The following ENTREP2 variants were observed in gnomAD, a reference collection of about 807,000 sequenced individuals.
The protein encoded by ENTREP2 is protein ENTREP2.
chr15:29,238,869 G>A, the ENTREP2 span, among the ~76,000 whole-genome samples: 7 of 152,050 alleles, frequency 4.6e-5, no homozygotes, highest in Non-Finnish European at 7.4e-5. Context: ...GCTCCAAGAA[G>A]CATGGTGTTA....
chr15:29,674,103 CA>C, the ENTREP2 span, among the ~76,000 whole-genome samples: 1 of 145,682 alleles, frequency 6.9e-6, no homozygotes, highest in African/African-American at 2.6e-5. Context: ...GTGTGGGACT[CA>C]GCCCTTCCCC....
chr15:29,254,080 AC>A, the ENTREP2 span, among the ~76,000 whole-genome samples: 1 of 143,352 alleles, frequency 7.0e-6, no homozygotes, highest in South Asian at 2.3e-4. Context: ...ATGAAGAAAG[AC>A]CCTTTTTGTG....
chr15:29,269,106 G>A, the ENTREP2 span: 4 of 1,614,032 alleles, frequency 2.5e-6, no homozygotes, highest in Non-Finnish European at 2.5e-6. Flanking sequence ...GCCGCAGAAA[G>A]TCCCAGGCTT....
At chr15:29,593,245 T>A in the ENTREP2 span, among the ~76,000 whole-genome samples, 1 of 152,176 alleles carries the variant, frequency 6.6e-6, no homozygotes, top group African/African-American at 2.4e-5. Context: ...TATAACGTAC[T>A]CTCCCACTGT....
chr15:29,158,144 A>G, the ENTREP2 span, among the ~76,000 whole-genome samples: 1 of 152,206 alleles, frequency 6.6e-6, no homozygotes, highest in Non-Finnish European at 1.5e-5. Flanking sequence ...CTTTCTACAA[A>G]TAATATTAAT....
the ENTREP2 span, among the ~76,000 whole-genome samples, chr15:29,244,102 T>C: frequency 1.3e-5 from 2 of 152,226 alleles, no homozygotes; most frequent in Admixed American, 6.5e-5. Context: ...ACCAGGACCA[T>C]TGCCTATTTC....
At chr15:29,391,071 T>A in the ENTREP2 span, among the ~76,000 whole-genome samples, 1 of 152,072 alleles carries the variant, frequency 6.6e-6, no homozygotes, top group African/African-American at 2.4e-5. Flanking sequence ...ATCTTCCTAC[T>A]TCACCCTCCG....
chr15:29,386,723 G>C, the ENTREP2 span, among the ~76,000 whole-genome samples: 5,442 of 151,960 alleles, frequency 0.036, 138 homozygotes, highest in Non-Finnish European at 0.053. Context: ...CAATGGGACT[G>C]GTAGCTCTAC....
the ENTREP2 span, among the ~76,000 whole-genome samples, chr15:29,533,211 C>T: frequency 1.3e-5 from 2 of 152,234 alleles, no homozygotes; most frequent in African/African-American, 4.8e-5. Flanking sequence ...GGCCTCCATT[C>T]TCTTGCAGTG....
At chr15:29,498,712 T>A in the ENTREP2 span, among the ~76,000 whole-genome samples, 2,060 of 152,222 alleles carry the variant, frequency 0.014, 41 homozygotes, top group African/African-American at 0.047. Flanking sequence ...CCTTACTGAT[T>A]TTCTCTCTGG....
chr15:29,618,117 A>G, the ENTREP2 span, among the ~76,000 whole-genome samples: 1 of 152,134 alleles, frequency 6.6e-6, no homozygotes, highest in African/African-American at 2.4e-5. Flanking sequence ...TATAGTGTCC[A>G]TAGGCTTAAA....
the ENTREP2 span, among the ~76,000 whole-genome samples, chr15:29,193,089 G>A: frequency 6.6e-6 from 1 of 152,254 alleles, no homozygotes; most frequent in East Asian, 1.9e-4. Context: ...AACACTCTAC[G>A]GGGCGGTCTA....
the ENTREP2 span, among the ~76,000 whole-genome samples, chr15:29,552,223 C>T: frequency 6.6e-6 from 1 of 151,892 alleles, no homozygotes; most frequent in Non-Finnish European, 1.5e-5. Context: ...AACAACAAAA[C>T]AAAAAAACTC....
chr15:29,434,445 A>G, the ENTREP2 span, among the ~76,000 whole-genome samples: 19 of 152,140 alleles, frequency 1.2e-4, no homozygotes, highest in African/African-American at 4.3e-4. Flanking sequence ...GCCTTTCCTC[A>G]GCATCCCTTC....
chr15:29,136,398 C>T, the ENTREP2 span: 5 of 1,527,014 alleles, frequency 3.3e-6, no homozygotes, highest in South Asian at 2.5e-5. Context: ...ACCACCGCCT[C>T]GTACGGAGGG....
chr15:29,354,166 G>A, the ENTREP2 span, among the ~76,000 whole-genome samples: 1 of 152,146 alleles, frequency 6.6e-6, no homozygotes, highest in Admixed American at 6.5e-5. Context: ...CTCTCCCCTT[G>A]AGCTGGAACA....
the ENTREP2 span, among the ~76,000 whole-genome samples, chr15:29,134,781 G>A: frequency 6.6e-6 from 1 of 152,192 alleles, no homozygotes; most frequent in Admixed American, 6.5e-5. Flanking sequence ...CACTGGTTGG[G>A]ACAGGGACCA....
At chr15:29,670,594 C>A in the ENTREP2 span, among the ~76,000 whole-genome samples, 1 of 152,172 alleles carries the variant, frequency 6.6e-6, no homozygotes, top group Non-Finnish European at 1.5e-5. Context: ...AATTATTACA[C>A]GCTGAAGCAG....
At chr15:29,164,912 T>TA in the ENTREP2 span, among the ~76,000 whole-genome samples, 1 of 152,150 alleles carries the variant, frequency 6.6e-6, no homozygotes. Context: ...TTCTCCAAGA[T>TA]AGACTATATG....
Sources: gnomAD v4.1 joint callset for allele counts (sites outside exome capture counted in the v4.1 genomes callset) on GRCh38, gnomAD v4.1.1 for gene constraint, MANE v1.5 for transcripts, NCBI Gene and HGNC (gene_info 2026-07-23, HGNC 2026-07-21) for gene names.